The following TGM5 variants were observed in gnomAD, a reference collection of about 807,000 sequenced individuals.
The protein encoded by TGM5 is transglutaminase 5, also known as protein-glutamine gamma-glutamyltransferase 5.
A neutral mutation model predicts 77.2 loss-of-function variants in TGM5; 69 were observed. The ratio of observed to expected loss-of-function variants is 0.89; its 90% confidence interval spans 0.74 to 1.09. TGM5 has a LOEUF of 1.09. Ranked by LOEUF, TGM5 falls within the 50% of genes least tolerant of loss-of-function variation. TGM5 has a pLI of 0.00. For missense variants in TGM5, 842 were observed against 896.5 expected (o/e 0.94, Z 0.78); for synonymous variants, 346 against 351.8 (o/e 0.98, Z 0.18).
At chr15:43,236,061 A>ATTC (rs146288606) in intron 9 of TGM5, among the ~76,000 whole-genome samples, 47 of 152,138 alleles carry the variant, frequency 3.1e-4, no homozygotes, top group African/African-American at 6.7e-4. Flanking sequence ...TACCATTAGC[A>ATTC]TTCTTCTTCT....
chr15:43,238,376 C>T (rs780361884), intron 9 of TGM5, among the ~76,000 whole-genome samples: 5 of 152,208 alleles, frequency 3.3e-5, no homozygotes, highest in Non-Finnish European at 7.3e-5. Flanking sequence ...AGCCTCTGGC[C>T]GTGCCGTTCC....
chr15:43,238,987 G>T lies in TGM5; in HGVS notation c.1175C>A (p.Thr392Lys). 1 of 1,614,164 alleles carries T rather than the reference G, an allele frequency of 6.2e-7. No homozygotes were observed. The highest frequency in any genetic ancestry group is 1.1e-5 in the South Asian group (1 of 91,082). The change falls in exon 9 of 13, where the codon ACG (threonine) becomes AAG (lysine). Residue 392 changes from threonine to lysine, a missense_variant. Coordinates refer to ENST00000220420, the MANE Select transcript of TGM5 (RefSeq NM_201631.4). ...KEGEVDLNYD[T>K]PFVFSMVNAD... The stretch of plus-strand genomic sequence containing the variant: ...ATTCACCATCGAAAACACAAAGGGC[G>T]TGTCATAGTTCAGGTCCACTTCTCC...
At chr15:43,262,708 T>C (rs1431029821) in intron 1 of TGM5, among the ~76,000 whole-genome samples, 1 of 152,148 alleles carries the variant, frequency 6.6e-6, no homozygotes, top group African/African-American at 2.4e-5. Flanking sequence ...TGCTTGAACC[T>C]GGGAGGTGGA....
At position 43,242,503 on chromosome 15, in the gene TGM5, A is replaced by G. The variant is rs191807996; in HGVS notation, c.863-1513T>C. 1.7e-3 allele frequency among the ~76,000 whole-genome samples: 263 copies of G among 152,328 alleles called. 1 individual carries two copies. The highest frequency in any genetic ancestry group is 3.2e-3 in the Non-Finnish European group (221 of 68,038). On this transcript the variant is annotated intron_variant, in intron 6 of 12. Transcript: ENST00000220420. Reference sequence around the variant, plus strand: ...GGGGTAAAGTGACTGAGTCAAAAATATGGTTATTTCTAAGGGTTCTTCACA... The same window carrying G: ...GGGGTAAAGTGACTGAGTCAAAAATGTGGTTATTTCTAAGGGTTCTTCACA...
At chr15:43,235,391 C>T in intron 10 of TGM5, 78 bp downstream of exon 10, 1 of 1,603,002 alleles carries the variant, frequency 6.2e-7, no homozygotes, top group South Asian at 1.1e-5. Context: ...GGTCTGCCCC[C>T]AGAACCCTGT....
chr15:43,234,500 G>C (rs925390280), intron 11 of TGM5, among the ~76,000 whole-genome samples: 1 of 152,204 alleles, frequency 6.6e-6, no homozygotes, highest in Non-Finnish European at 1.5e-5. Flanking sequence ...TTGACCCATG[G>C]GGAAGGCCAA....
chr15:43,237,615 C>A (rs987147777), intron 9 of TGM5, among the ~76,000 whole-genome samples: 3 of 151,948 alleles, frequency 2.0e-5, no homozygotes, highest in African/African-American at 7.2e-5. Context: ...GTGTTGCCAT[C>A]ATAGTTCACT....
rs576217760 is a variant in TGM5, at chr15:43,232,972, G to A, written c.*219C>T. 1 of 595,296 alleles carries A rather than the reference G, an allele frequency of 1.7e-6. No individual in the cohort carries two copies. The highest frequency in any genetic ancestry group is 2.9e-6 in the Non-Finnish European group (1 of 339,702). The allele number at this position is 595,296 out of a possible 1,614,324, so 36.9% of individuals were successfully genotyped here. On this transcript the variant is annotated 3_prime_UTR_variant, in exon 13 of 13. Transcript: ENST00000220420. ...CCTAGCATATGCCAGAAATGGTTCT[G>A]AGTATAGGGGTAGTAAACAAAGCAA...
In TGM5 at chr15:43,235,485, T is replaced by G. The variant is rs1404828319; in HGVS notation, c.1698A>C (p.Thr566=). The G allele has an allele frequency of 6.2e-7, 1 of 1,613,458 alleles. No homozygotes were observed. Among genetic ancestry groups the G allele is most frequent in the East Asian group, 2.2e-5 (1 of 44,824 alleles). The change falls in exon 10 of 13, where the codon ACA becomes ACC. Residue 566 remains threonine (T), a synonymous_variant. Coordinates refer to ENST00000220420, the MANE Select transcript of TGM5 (RefSeq NM_201631.4). ...CATGCGTACCTTCTTTAGGAGAGAG[T>G]GTGATGAACGCTGTGTCCTGCCAGA... ...SPFWQDTAFI[T]LSPKEAKTYP...
rs551591494 is a variant in TGM5 at position 43,237,080 on chromosome 15, A to G, written c.1346-1243T>C. Among the ~76,000 whole-genome samples the G allele has an allele frequency of 3.3e-5, 5 of 152,086 alleles. 1 individual carries two copies. Among genetic ancestry groups the G allele is most frequent in the African/African-American group, 1.2e-4 (5 of 41,474 alleles). On this transcript the variant is annotated intron_variant, in intron 9 of 12. Coordinates refer to ENST00000220420, the MANE Select transcript of TGM5 (RefSeq NM_201631.4). ...CAGGCTGGGTGGGAGAAGACTGAATACTGCTGGCCTGAGGAGCACCTAAGC... is the reference window on the plus strand; with the variant it reads ...CAGGCTGGGTGGGAGAAGACTGAATGCTGCTGGCCTGAGGAGCACCTAAGC...
rs543187865 is a variant in TGM5, at chr15:43,252,677, A to C, written c.862+82T>G. 4.6e-6 allele frequency: 7 copies of C among 1,534,550 alleles called. No homozygotes were observed. In the African/African-American group the frequency reaches 9.5e-5, roughly 21 times the overall value. On this transcript the variant is annotated intron_variant, in intron 6 of 12. Transcript: ENST00000220420. ...TGTCCCTTGGTGGGAACTGTGTGGG[A>C]CTGGGATGGGAATGGTTCAGAAGGC...
intron 6 of TGM5, among the ~76,000 whole-genome samples, chr15:43,241,828 C>A (rs145791412): frequency 6.6e-6 from 1 of 151,578 alleles, no homozygotes; most frequent in Non-Finnish European, 1.5e-5. Context: ...TTAGTAGAGA[C>A]GGGGTTTTAC....
At chr15:43,266,790 C>G in intron 1 of TGM5, 50 bp downstream of exon 1, 1 of 1,613,000 alleles carries the variant, frequency 6.2e-7, no homozygotes, top group East Asian at 2.2e-5. Context: ...TACAGTCTCT[C>G]TCTGTCCTTC....
intron 6 of TGM5, among the ~76,000 whole-genome samples, chr15:43,247,133 G>C (rs1222056573): frequency 2.0e-5 from 3 of 149,634 alleles, no homozygotes; most frequent in Non-Finnish European, 3.0e-5. Flanking sequence ...ACTATAGCCT[G>C]GGCGACAAGA....
intron 10 of TGM5, 52 bp from the exon 11 acceptor site, chr15:43,234,981 ACCTG>A: frequency 6.2e-7 from 1 of 1,605,794 alleles, no homozygotes. Flanking sequence ...AATCAGCCGT[ACCTG>A]GGTTGGACCT....
chr15:43,260,414 A>T lies in TGM5; in HGVS notation c.176T>A (p.Phe59Tyr). Residue 59 changes from phenylalanine (F) to tyrosine (Y), a missense_variant, in exon 2 of 13, where the codon TTC (phenylalanine) becomes TAC (tyrosine). Physicochemically the swap from Phe to Tyr is conservative, Grantham distance 22. Coordinates refer to ENST00000220420, the MANE Select transcript of TGM5 (RefSeq NM_201631.4). ...GGGGTTCTTACCAGTTTCAACCACG[A>T]AGATGATGTTGTCCAGGCCTGGCTG... ...SFQPGLDNII[F>Y]VVETGPLPDL... 6.2e-7 allele frequency: 1 copy of T among 1,614,206 alleles called. No individual in the cohort carries two copies. The highest frequency in any genetic ancestry group is 2.2e-5 in the East Asian group (1 of 44,878).
intron 3 of TGM5, among the ~76,000 whole-genome samples, chr15:43,258,540 G>A (rs2042760122): frequency 6.6e-6 from 1 of 152,218 alleles, no homozygotes; most frequent in Non-Finnish European, 1.5e-5. Context: ...CTCAGACACA[G>A]CCTGATAGGA....
chr15:43,253,118 G>C (rs2042717586), intron 5 of TGM5, among the ~76,000 whole-genome samples, 182 bp from the exon 6 acceptor site: 1 of 152,062 alleles, frequency 6.6e-6, no homozygotes, highest in South Asian at 2.1e-4. Context: ...TCTGACTTCT[G>C]CTCCACTGTG....
chr15:43,243,372 T>C (rs1377942152), intron 6 of TGM5, among the ~76,000 whole-genome samples: 1 of 152,198 alleles, frequency 6.6e-6, no homozygotes, highest in East Asian at 1.9e-4. Flanking sequence ...GGGATATGCT[T>C]TGGGTACCAA....
Sources: allele counts gnomAD v4.1 joint callset (sites outside exome capture counted in the v4.1 genomes callset), GRCh38; gene constraint gnomAD v4.1.1; transcripts MANE v1.5; gene names NCBI Gene and HGNC (gene_info 2026-07-23, HGNC 2026-07-21).